The following RELB variants were observed in gnomAD, a reference collection of about 807,000 sequenced individuals.
RELB encodes the protein RELB proto-oncogene, NF-kB subunit.
A neutral mutation model predicts 55.4 loss-of-function variants in RELB; 14 were observed. The observed-to-expected ratio is 0.25, with a 90% confidence interval of 0.17 to 0.40. The LOEUF (loss-of-function observed/expected upper bound fraction) is 0.40. Ranked by LOEUF, RELB falls within the 10% of genes least tolerant of loss-of-function variation. The probability of loss-of-function intolerance (pLI) is 1.00; values close to 1 mark genes in which losing one functional copy is unlikely to be tolerated. For synonymous variants in RELB, 409 were observed against 371.3 expected (o/e 1.10, Z -1.17); for missense variants, 669 against 830.7 (o/e 0.81, Z 2.39).
At chr19:45,003,539 G>A (rs939389867) in intron 2 of RELB, 1 of 514,858 alleles carries the variant, frequency 1.9e-6, no homozygotes, top group Non-Finnish European at 3.9e-6. Context: ...ATGCGCAAAG[G>A]CTTCTTTAGA....
chr19:45,034,997 C>T (rs1971670470), intron 11 of RELB, among the ~76,000 whole-genome samples: 1 of 151,932 alleles, frequency 6.6e-6, no homozygotes, highest in African/African-American at 2.4e-5. Flanking sequence ...TACACCACCA[C>T]ACCTGGCTAA....
chr19:45,004,736 G>A (rs924969836), intron 2 of RELB, among the ~76,000 whole-genome samples: 7 of 150,880 alleles, frequency 4.6e-5, no homozygotes, highest in South Asian at 2.1e-4. Flanking sequence ...GCGTGGTGGC[G>A]CATGCCTGTA....
chr19:45,001,981 T>A (rs1022116840), intron 1 of RELB, among the ~76,000 whole-genome samples: 2 of 147,840 alleles, frequency 1.4e-5, no homozygotes, highest in Non-Finnish European at 3.0e-5. Flanking sequence ...AAAGCTGCTC[T>A]TGGGCGGTAT....
chr19:45,008,874 G>A (rs943209056), intron 2 of RELB, among the ~76,000 whole-genome samples: 15 of 152,258 alleles, frequency 9.9e-5, no homozygotes, highest in African/African-American at 2.2e-4. Flanking sequence ...CGGGAGGTCG[G>A]TTTCGATTCC....
intron 4 of RELB, among the ~76,000 whole-genome samples, chr19:45,019,385 C>T (rs61557962): frequency 0.035 from 5,354 of 152,068 alleles, 204 homozygotes; most frequent in African/African-American, 0.094. Flanking sequence ...TTTTTGATGA[C>T]TCATTTACAA....
Position 45,012,006 on chromosome 19 carries a change from G to A in RELB, c.234G>A (p.Gly78=). 6 of 1,577,232 alleles carry A rather than the reference G, an allele frequency of 3.8e-6. No individual in the cohort carries two copies. The highest frequency in any genetic ancestry group is 5.1e-6 in the Non-Finnish European group (6 of 1,166,084). ...LDGGQPGPGE[G]LPRLVSRGAA... is the part of the protein sequence containing the mutation. ...GGGGACAGCCGGGCCCGGGCGAGGG[G>A]CTGCCACGCCTGGTGTCTCGCGGGG... is the stretch of plus-strand genomic sequence containing the variant. Residue 78 remains glycine, a synonymous_variant, in exon 4 of 12, where the codon GGG becomes GGA. Transcript: ENST00000221452.
Position 45,032,733 on chromosome 19 carries a change from C to T in RELB, c.1191C>T (p.Tyr397=), listed in dbSNP as rs745463649. 1.2e-6 allele frequency: 2 copies of T among 1,606,682 alleles called. No individual in the cohort carries two copies. Among genetic ancestry groups the T allele is most frequent in the African/African-American group, 1.3e-5 (1 of 74,912 alleles). The change falls in exon 9 of 12, where the codon TAC becomes TAT. Residue 397 remains tyrosine (Y), a synonymous_variant. Transcript: ENST00000221452. The part of the protein sequence containing the change: ...GVCSEPLPFT[Y]LPRDHDSYGV... The stretch of plus-strand genomic sequence containing the variant: ...GCAGCGAGCCATTGCCTTTCACGTA[C>T]CTGCCTCGCGACCATGGTAACTACA...
intron 1 of RELB, among the ~76,000 whole-genome samples, chr19:45,001,894 G>A (rs1369460844): frequency 1.3e-5 from 2 of 152,096 alleles, no homozygotes; most frequent in African/African-American, 2.4e-5. Context: ...GAGGCGTCCC[G>A]CTGTAGAGTG....
At position 45,012,091 on chromosome 19, in the gene RELB, TG is replaced by T; in HGVS notation, c.323del (p.Gly108AlafsTer7). 1.9e-6 allele frequency: 3 copies of T among 1,553,800 alleles called. No homozygotes were observed. Among genetic ancestry groups the T allele is most frequent in the Admixed American group, 2.0e-5 (1 of 50,586 alleles). Reference sequence around the variant, plus strand: ...GGCGCCCCCAGCCACGCCGCCGCCTTGGGGCTGCCCCCTGGGCCGACTAGTG... The same window carrying T: ...GGCGCCCCCAGCCACGCCGCCGCCTTGGGCTGCCCCCTGGGCCGACTAGTG... ...PVAPPATPPPWGCPLGRLVSP... is the reference protein window; with the variant it reads ...PVAPPATPPPXGCPLGRLVSP... On this transcript the variant is annotated frameshift_variant, in exon 4 of 12. Transcript: ENST00000221452. LOFTEE classifies it high-confidence loss of function.
At position 45,037,594 on chromosome 19, in the gene RELB, T is replaced by C; in HGVS notation, c.1544T>C (p.Val515Ala). ...CCGGCACCGCCACACGCTAGCGCTG[T>C]TGTGTGCAGCGGAGGTGCCGGGGCC... ...LPPAPPHASA[V>A]VCSGGAGAVV... Residue 515 changes from valine to alanine, a missense_variant, in exon 12 of 12, where the codon GTT (valine) becomes GCT (alanine). By Grantham distance (64) the Val-to-Ala change is moderately conservative. Coordinates refer to ENST00000221452, the MANE Select transcript of RELB (RefSeq NM_006509.4). 6.2e-7 allele frequency: 1 copy of C among 1,610,274 alleles called. No homozygotes were observed. Among genetic ancestry groups the C allele is most frequent in the Non-Finnish European group, 8.5e-7 (1 of 1,178,502 alleles).
chr19:45,033,751 C>T (rs1354763489), intron 9 of RELB, among the ~76,000 whole-genome samples: 1 of 150,780 alleles, frequency 6.6e-6, no homozygotes, highest in Non-Finnish European at 1.5e-5. Context: ...CCGTGTTGGT[C>T]AGGCTGGTCT....
chr19:45,031,548 G>C (rs1034116075), intron 8 of RELB, among the ~76,000 whole-genome samples: 3 of 152,116 alleles, frequency 2.0e-5, no homozygotes, highest in African/African-American at 7.2e-5. Context: ...TGATCTTGAG[G>C]ATCCCTGGAC....
intron 2 of RELB, among the ~76,000 whole-genome samples, chr19:45,009,359 G>C (rs1971321805): frequency 6.6e-6 from 1 of 152,164 alleles, no homozygotes; most frequent in African/African-American, 2.4e-5. Flanking sequence ...GGGATTACAG[G>C]CGTGAGCCAC....
chr19:45,007,732 A>T (rs1343428959), intron 2 of RELB, among the ~76,000 whole-genome samples: 3 of 151,800 alleles, frequency 2.0e-5, no homozygotes, highest in Non-Finnish European at 4.4e-5. Flanking sequence ...GTGGTACGAG[A>T]CTGTAATCCC....
intron 7 of RELB, among the ~76,000 whole-genome samples, chr19:45,027,025 C>T (rs973807585): frequency 1.8e-4 from 27 of 151,914 alleles, no homozygotes; most frequent in Admixed American, 3.3e-4. Flanking sequence ...GTCAGGAGAT[C>T]GAGACCATCC....
At chr19:45,035,314 T>G (rs1035547940) in intron 11 of RELB, among the ~76,000 whole-genome samples, 1 of 141,320 alleles carries the variant, frequency 7.1e-6, no homozygotes, top group African/African-American at 2.7e-5. Flanking sequence ...AGTCCAGGAG[T>G]TTGAGACCAG....
intron 3 of RELB, among the ~76,000 whole-genome samples, chr19:45,011,366 G>A (rs1439041594): frequency 1.3e-5 from 2 of 150,320 alleles, no homozygotes; most frequent in Non-Finnish European, 3.0e-5. Flanking sequence ...GTTTCACTGT[G>A]TTAGCCAGGA....
chr19:45,008,409 C>T (rs1971309512), intron 2 of RELB: 2 of 456,154 alleles, frequency 4.4e-6, no homozygotes, highest in South Asian at 1.5e-5. Context: ...CCCTACAGCC[C>T]GGGAGCCTCT....
chr19:45,032,281 T>G, intron 8 of RELB: 1 of 376,420 alleles, frequency 2.7e-6, no homozygotes, highest in Non-Finnish European at 5.0e-6. Flanking sequence ...TAGCCGGGCG[T>G]GGTGGCATAT....
Sources: gnomAD v4.1 joint callset for allele counts (sites outside exome capture counted in the v4.1 genomes callset) on GRCh38, gnomAD v4.1.1 for gene constraint, MANE v1.5 for transcripts, NCBI Gene and HGNC (gene_info 2026-07-23, HGNC 2026-07-21) for gene names.